Variants in TYW5 observed in about 807,000 individuals in gnomAD.
The protein encoded by TYW5 is tRNA wybutosine-synthesizing protein 5.
Under a neutral mutation model 44.4 loss-of-function variants are expected in TYW5, and 36 were observed. The ratio of observed to expected loss-of-function variants is 0.81; its 90% confidence interval spans 0.62 to 1.07. The LOEUF (loss-of-function observed/expected upper bound fraction) is 1.07, where lower values mean the gene tolerates loss of function less well. Among genes scored for constraint, TYW5 ranks in the 50% least tolerant of loss-of-function variants. The pLI is 0.00. For synonymous variants in TYW5, 121 were observed against 128.1 expected, an observed-to-expected ratio of 0.94 and a Z score of 0.37; for missense variants, 354 against 365.7, an observed-to-expected ratio of 0.97 and a Z score of 0.26.
In TYW5 at chr2:199,932,420, C is replaced by G. The variant is rs1162193730; in HGVS notation, c.*647G>C. On this transcript the variant is annotated 3_prime_UTR_variant, in exon 8 of 8. Transcript: ENST00000354611. The stretch of plus-strand genomic sequence containing the variant: ...ATCCCTCATGTGGCCTCCACTTCTA[C>G]TCTCAGCTCCAGTGGACCTGACTGC... 6.6e-6 allele frequency: 1 copy of G among 152,284 alleles called. No homozygotes were observed. The highest frequency in any genetic ancestry group is 6.5e-5 in the Admixed American group (1 of 15,280). The allele number at this position is 152,284 out of a possible 1,614,324, so 9.4% of individuals were successfully genotyped here. A position where few individuals can be genotyped will look rare whatever the true frequency, so the allele number is the denominator to read the frequency against.
chr2:199,940,210 T>C, intron 3 of TYW5, 77 bp from the exon 4 acceptor site: 2 of 1,275,500 alleles, frequency 1.6e-6, no homozygotes, highest in South Asian at 2.6e-5. Context: ...TTTGTATAGC[T>C]ATCATGTATT....
rs1278023306 is a variant in TYW5 at position 199,929,686 on chromosome 2, A to C, written c.*3381T>G. ...GCTGTTCAAAAGGATGAAGGATACAAATTAAGTTTTGTTGACTTTGTTTCC... is the reference window on the plus strand; with the variant it reads ...GCTGTTCAAAAGGATGAAGGATACACATTAAGTTTTGTTGACTTTGTTTCC... On this transcript the variant is annotated 3_prime_UTR_variant, in exon 8 of 8. Transcript: ENST00000354611. 6.6e-6 allele frequency among the ~76,000 whole-genome samples: 1 copy of C among 152,124 alleles called. No individual in the cohort carries two copies. Among genetic ancestry groups the C allele is most frequent in the African/African-American group, 2.4e-5 (1 of 41,428 alleles).
chr2:199,936,550 C>T (rs888424190), intron 5 of TYW5, 58 bp from the exon 6 acceptor site: 11 of 1,424,562 alleles, frequency 7.7e-6, no homozygotes, highest in Non-Finnish European at 7.8e-6. Flanking sequence ...TAAATAGAAC[C>T]AATGGCATGC....
intron 5 of TYW5, among the ~76,000 whole-genome samples, 193 bp from the exon 6 acceptor site, chr2:199,936,685 C>G (rs1024854503): frequency 1.3e-5 from 2 of 152,164 alleles, no homozygotes; most frequent in African/African-American, 4.8e-5. Flanking sequence ...TTCTGCAGTA[C>G]TGCCCTAAAA....
intron 2 of TYW5, chr2:199,946,002 G>C (rs2077501255): frequency 6.6e-6 from 1 of 152,224 alleles, no homozygotes; most frequent in Admixed American, 6.5e-5. Flanking sequence ...GGAGGGTAAT[G>C]TCAAAGAAGG....
intron 1 of TYW5, among the ~76,000 whole-genome samples, chr2:199,950,452 T>G (rs1320415287): frequency 6.6e-6 from 1 of 152,116 alleles, no homozygotes; most frequent in South Asian, 2.1e-4. Flanking sequence ...TCAAATAAAG[T>G]TATAACACAG....
chr2:199,944,771 A>C (rs1419734707), intron 2 of TYW5: 1 of 152,186 alleles, frequency 6.6e-6, no homozygotes, highest in Non-Finnish European at 1.5e-5. Context: ...CTCTGTACTG[A>C]GAAAGTCGAA....
chr2:199,954,000 G>C (rs1381750026), intron 1 of TYW5, among the ~76,000 whole-genome samples: 2 of 152,090 alleles, frequency 1.3e-5, no homozygotes, highest in African/African-American at 4.8e-5. Context: ...GGGAGAGCAA[G>C]AACAACCCAT....
chr2:199,949,371 C>CA (rs1182592672), intron 1 of TYW5, among the ~76,000 whole-genome samples: 11 of 151,700 alleles, frequency 7.3e-5, no homozygotes, highest in African/African-American at 1.9e-4. Context: ...CCATCACACA[C>CA]AAAAAAACAA....
At position 199,939,075 on chromosome 2, in the gene TYW5, ATT is replaced by A; in HGVS notation, c.349-7_349-6del. 6.3e-7 allele frequency: 1 copy of A among 1,590,598 alleles called. No homozygotes were observed. Among genetic ancestry groups the A allele is most frequent in the Non-Finnish European group, 8.5e-7 (1 of 1,173,640 alleles). On this transcript the variant is annotated splice_polypyrimidine_tract_variant and splice_region_variant and intron_variant, in intron 4 of 7. Transcript: ENST00000354611. The stretch of plus-strand genomic sequence containing the variant: ...CTTTCTGATATCTGCAACATCCTGC[ATT>A]TACAGAAACATAAAAAGAAAAAATT...
intron 1 of TYW5, 25 bp downstream of exon 1, chr2:199,955,368 G>T: frequency 6.2e-7 from 1 of 1,610,868 alleles, no homozygotes; most frequent in Non-Finnish European, 8.5e-7. Flanking sequence ...GTTTCTCGAG[G>T]TTCTGCCCCG....
chr2:199,938,948 T>C lies in TYW5; in HGVS notation c.471A>G (p.Leu157=), dbSNP rs939911575. The change falls in exon 5 of 8, where the codon CTA becomes CTG. Residue 157 remains leucine, a synonymous_variant. Transcript: ENST00000354611. Reference sequence around the variant, plus strand: ...TGTAGCATACATCATAATGAGTCCATAGTTGTAATCCTGGTGAACTAATTC... The same window carrying C: ...TGTAGCATACATCATAATGAGTCCACAGTTGTAATCCTGGTGAACTAATTC... ...VFRISSPGLQ[L]WTHYDVMDNL... is the part of the protein sequence containing the mutation. The C allele has an allele frequency of 1.2e-6, 2 of 1,610,458 alleles. No homozygotes were observed. Among genetic ancestry groups the C allele is most frequent in the African/African-American group, 1.3e-5 (1 of 74,722 alleles).
chr2:199,954,608 A>AT (rs1001677354), intron 1 of TYW5, among the ~76,000 whole-genome samples: 21 of 151,914 alleles, frequency 1.4e-4, no homozygotes, highest in African/African-American at 5.1e-4. Context: ...CTAATTTTGT[A>AT]TTTTTAGTAG....
chr2:199,938,894 A>C lies in TYW5; in HGVS notation c.486+39T>G, dbSNP rs778859571. Reference sequence around the variant, plus strand: ...GACTGTTAAATCTATAATGCTAAAGATCTATTGTAGCTTTAAATTTCTCAT... The same window carrying C: ...GACTGTTAAATCTATAATGCTAAAGCTCTATTGTAGCTTTAAATTTCTCAT... On this transcript the variant is annotated intron_variant, in intron 5 of 7. Coordinates refer to ENST00000354611, the MANE Select transcript of TYW5 (RefSeq NM_001039693.3). 25 of 1,550,932 alleles carry C rather than the reference A, an allele frequency of 1.6e-5. No homozygotes were observed. The Admixed American group carries it at 5.1e-4, about 31-fold the overall frequency.
intron 1 of TYW5, among the ~76,000 whole-genome samples, chr2:199,949,823 T>C (rs570728524): frequency 7.2e-5 from 11 of 152,336 alleles, no homozygotes; most frequent in African/African-American, 9.6e-5. Flanking sequence ...GGCATCCTAA[T>C]ATCGAAATGA....
At chr2:199,954,705 G>A (rs1373985195) in intron 1 of TYW5, among the ~76,000 whole-genome samples, 1 of 152,134 alleles carries the variant, frequency 6.6e-6, no homozygotes, top group Non-Finnish European at 1.5e-5. Context: ...GATTACAGGC[G>A]TGAGCCACCG....
chr2:199,930,983 AC>A lies in TYW5; in HGVS notation c.*2083del, dbSNP rs2077372860. The A allele has an allele frequency of 6.6e-6, 1 of 152,228 alleles. No homozygotes were observed. Among genetic ancestry groups the A allele is most frequent in the African/African-American group, 2.4e-5 (1 of 41,460 alleles). The allele number at this position is 152,228 out of a possible 1,614,324, so 9.4% of individuals were successfully genotyped here. On this transcript the variant is annotated 3_prime_UTR_variant, in exon 8 of 8. Coordinates refer to ENST00000354611, the MANE Select transcript of TYW5 (RefSeq NM_001039693.3). ...AAAACAAACATCTCATTTGGTCTTA[AC>A]CCAGTAGGAAGAAAAGATTAAAATA...
At chr2:199,946,328 A>G (rs1185841855) in intron 2 of TYW5, 2 of 152,148 alleles carry the variant, frequency 1.3e-5, no homozygotes, top group Non-Finnish European at 2.9e-5. Context: ...AGAAGAAGAA[A>G]GCCCTTCACT....
intron 1 of TYW5, among the ~76,000 whole-genome samples, chr2:199,952,123 A>G (rs982420742): frequency 4.6e-5 from 7 of 152,154 alleles, no homozygotes; most frequent in Non-Finnish European, 1.0e-4. Context: ...TAAATGGGCC[A>G]TAATTTATTC....
Sources: gnomAD v4.1 joint callset for allele counts (sites outside exome capture counted in the v4.1 genomes callset) on GRCh38, gnomAD v4.1.1 for gene constraint, MANE v1.5 for transcripts, NCBI Gene and HGNC (gene_info 2026-07-23, HGNC 2026-07-21) for gene names.